The following GPC5 variants were observed in gnomAD, a reference collection of about 807,000 sequenced individuals.
GPC5 encodes the protein glypican-5.
Under a neutral mutation model 53.9 loss-of-function variants are expected in GPC5, and 47 were observed. The observed-to-expected ratio is 0.87, with a 90% confidence interval of 0.69 to 1.11. The LOEUF (loss-of-function observed/expected upper bound fraction) is 1.11, where lower values mean the gene tolerates loss of function less well. Ranked by LOEUF, GPC5 falls within the 50% of genes most tolerant of loss-of-function variation. The probability of loss-of-function intolerance (pLI) is 0.00; values close to 1 mark genes in which losing one functional copy is unlikely to be tolerated. For missense variants in GPC5, 748 were observed against 713.1 expected (o/e 1.05, Z -0.56); for synonymous variants, 286 against 263.3 (o/e 1.09, Z -0.84).
intron 7 of GPC5, among the ~76,000 whole-genome samples, chr13:92,534,585 G>A (rs1881664619): frequency 6.6e-6 from 1 of 152,098 alleles, no homozygotes; most frequent in African/African-American, 2.4e-5. Flanking sequence ...TTTTAGTAAG[G>A]TGGGAAAATT....
chr13:91,835,191 A>G (rs1260161837), intron 5 of GPC5, among the ~76,000 whole-genome samples: 2 of 152,206 alleles, frequency 1.3e-5, no homozygotes, highest in African/African-American at 4.8e-5. Context: ...ATGAGAAACC[A>G]TCTCATGCCA....
At chr13:92,765,770 G>A (rs183658537) in intron 7 of GPC5, among the ~76,000 whole-genome samples, 2 of 152,218 alleles carry the variant, frequency 1.3e-5, no homozygotes, top group Admixed American at 6.5e-5. Flanking sequence ...GAAAAGCACT[G>A]TACTAGGTCA....
At chr13:92,028,503 G>A (rs1279023377) in intron 6 of GPC5, among the ~76,000 whole-genome samples, 2 of 152,032 alleles carry the variant, frequency 1.3e-5, no homozygotes, top group Admixed American at 1.3e-4. Context: ...ATTTCTAATT[G>A]TCGAATTCAG....
intron 5 of GPC5, among the ~76,000 whole-genome samples, chr13:91,767,627 T>A (rs1049431593): frequency 3.3e-5 from 5 of 152,122 alleles, no homozygotes; most frequent in African/African-American, 1.2e-4. Flanking sequence ...TTAAACAGAA[T>A]CCCTAGGAAA....
At chr13:91,988,042 A>AAT (rs748252094) in intron 6 of GPC5, among the ~76,000 whole-genome samples, 14 of 147,050 alleles carry the variant, frequency 9.5e-5, no homozygotes, top group Non-Finnish European at 1.3e-4. Context: ...TTTATATATA[A>AAT]ATATATATAT....
chr13:92,144,933 A>T lies in GPC5; in HGVS notation c.1505A>T (p.Asp502Val), dbSNP rs2041856066. ...GTCAGTGGGGACTGTGATGATGAAGATGGTTGCGGGGGATCAGGAAGTGGA... is the reference window on the plus strand; with the variant it reads ...GTCAGTGGGGACTGTGATGATGAAGTTGGTTGCGGGGGATCAGGAAGTGGA... ...EQVSGDCDDE[D>V]GCGGSGSGEV... The change falls in exon 7 of 8, where the codon GAT (aspartate) becomes GTT (valine). Residue 502 changes from aspartate to valine, a missense_variant. Physicochemically the swap from Asp to Val is radical, Grantham distance 152. Transcript: ENST00000377067. 5.0e-6 allele frequency: 8 copies of T among 1,593,756 alleles called. No homozygotes were observed. The highest frequency in any genetic ancestry group is 1.8e-5 in the Admixed American group (1 of 55,676).
chr13:92,346,055 A>G (rs1040196499), intron 7 of GPC5, among the ~76,000 whole-genome samples: 2 of 152,062 alleles, frequency 1.3e-5, no homozygotes, highest in Admixed American at 1.3e-4. Context: ...TGACCTAATG[A>G]CCCTGCCCAG....
chr13:92,715,209 G>T lies in GPC5; in HGVS notation c.1562-151073G>T, dbSNP rs115521148. Among the ~76,000 whole-genome samples, 997 of 152,218 alleles carry T rather than the reference G, an allele frequency of 6.5e-3. 10 individuals carry two copies. The highest frequency in any genetic ancestry group is 0.023 in the African/African-American group (954 of 41,538). Reference sequence around the variant, plus strand: ...CAGTTGAATAGAGTGATCAGCACAGGTTCCTGAAAAAAGACTTGACTCGTC... The same window carrying T: ...CAGTTGAATAGAGTGATCAGCACAGTTTCCTGAAAAAAGACTTGACTCGTC... On this transcript the variant is annotated intron_variant, in intron 7 of 7. Transcript: ENST00000377067.
intron 7 of GPC5, among the ~76,000 whole-genome samples, chr13:92,669,681 A>G (rs1254150881): frequency 6.6e-6 from 1 of 152,120 alleles, no homozygotes; most frequent in Admixed American, 6.6e-5. Flanking sequence ...CTACCCAGGC[A>G]TTTGTCCTCT....
intron 7 of GPC5, among the ~76,000 whole-genome samples, chr13:92,827,468 T>C (rs1265037803): frequency 2.0e-5 from 3 of 152,072 alleles, no homozygotes; most frequent in East Asian, 3.9e-4. Flanking sequence ...TGAGAGATGT[T>C]GGAAAAGAAG....
intron 5 of GPC5, among the ~76,000 whole-genome samples, chr13:91,902,279 CT>C (rs1184651465): frequency 6.6e-6 from 1 of 152,014 alleles, no homozygotes; most frequent in Admixed American, 6.6e-5. Flanking sequence ...GGAGAAATGA[CT>C]TCCTCCTGAA....
intron 7 of GPC5, among the ~76,000 whole-genome samples, chr13:92,381,249 C>T (rs2043736518): frequency 6.6e-6 from 1 of 152,130 alleles, no homozygotes; most frequent in South Asian, 2.1e-4. Flanking sequence ...CTAGGGTCTG[C>T]CATATACTAA....
chr13:92,854,626 G>A (rs763711799), intron 7 of GPC5, among the ~76,000 whole-genome samples: 9 of 151,888 alleles, frequency 5.9e-5, no homozygotes, highest in Non-Finnish European at 1.2e-4. Context: ...TTTTCTCAAA[G>A]GGAATAGAGT....
chr13:92,810,709 G>T (rs1378925197), intron 7 of GPC5, among the ~76,000 whole-genome samples: 1 of 151,540 alleles, frequency 6.6e-6, no homozygotes, highest in East Asian at 1.9e-4. Flanking sequence ...TTGGTACCTT[G>T]TCACCTAGAA....
chr13:92,020,294 A>G (rs2040746160), intron 6 of GPC5, among the ~76,000 whole-genome samples: 1 of 152,132 alleles, frequency 6.6e-6, no homozygotes, highest in South Asian at 2.1e-4. Flanking sequence ...CTTAATCTAC[A>G]TAACCTACCA....
At chr13:91,590,252 A>G (rs1420918232) in intron 2 of GPC5, among the ~76,000 whole-genome samples, 1 of 151,918 alleles carries the variant, frequency 6.6e-6, no homozygotes, top group Admixed American at 6.6e-5. Flanking sequence ...TATTTCTAAT[A>G]TATTTAAAAG....
chr13:92,595,266 A>G (rs1302982832), intron 7 of GPC5, among the ~76,000 whole-genome samples: 1 of 152,144 alleles, frequency 6.6e-6, no homozygotes, highest in Non-Finnish European at 1.5e-5. Flanking sequence ...CCAAATACCT[A>G]TTCTCTCCAG....
intron 2 of GPC5, among the ~76,000 whole-genome samples, chr13:91,540,545 T>C (rs2029878762): frequency 1.3e-5 from 2 of 152,192 alleles, no homozygotes; most frequent in Admixed American, 6.5e-5. Flanking sequence ...ATTGTGGTGA[T>C]GGTTACAACA....
intron 6 of GPC5, among the ~76,000 whole-genome samples, chr13:91,978,454 A>G (rs1479780791): frequency 2.6e-5 from 4 of 152,326 alleles, no homozygotes; most frequent in African/African-American, 9.6e-5. Flanking sequence ...TAAGATTACT[A>G]CCAGTTGTGG....
Sources: allele counts gnomAD v4.1 joint callset (sites outside exome capture counted in the v4.1 genomes callset), GRCh38; gene constraint gnomAD v4.1.1; transcripts MANE v1.5; gene names NCBI Gene and HGNC (gene_info 2026-07-23, HGNC 2026-07-21).